Variants in SDK1 observed in about 807,000 individuals in gnomAD.
SDK1 encodes the protein sidekick cell adhesion molecule 1.
SDK1 carries 157 observed loss-of-function variants against 245.5 expected under a neutral mutation model. The observed-to-expected ratio is 0.64, with a 90% CI of 0.56 to 0.73. The LOEUF is 0.73. SDK1 is among the 30% of genes least tolerant of loss of function. The pLI is 0.00. For missense variants in SDK1, 3,583 were observed against 3,002.3 expected (o/e 1.19, Z -4.52); for synonymous variants, 1,647 against 1,278.5 (o/e 1.29, Z -6.15).
At chr7:3,506,072 ATTCT>A (rs1420399950) in intron 1 of SDK1, among the ~76,000 whole-genome samples, 1 of 152,120 alleles carries the variant, frequency 6.6e-6, no homozygotes, top group Non-Finnish European at 1.5e-5. Flanking sequence ...CATTCATCAT[ATTCT>A]TTATTTCTTT....
intron 2 of SDK1, among the ~76,000 whole-genome samples, chr7:3,624,990 G>A (rs1015852705): frequency 5.3e-5 from 8 of 152,092 alleles, no homozygotes; most frequent in Non-Finnish European, 8.8e-5. Context: ...AGTAAGCCAA[G>A]ATCATGCCAT....
At chr7:3,907,857 C>T (rs1305114753) in intron 5 of SDK1, among the ~76,000 whole-genome samples, 1 of 152,126 alleles carries the variant, frequency 6.6e-6, no homozygotes, top group Non-Finnish European at 1.5e-5. Flanking sequence ...CTGTGTACAC[C>T]ATGTCTACCC....
chr7:4,027,295 T>G (rs752538128), intron 17 of SDK1, among the ~76,000 whole-genome samples: 73 of 152,338 alleles, frequency 4.8e-4, no homozygotes, highest in Middle Eastern at 6.8e-3. Context: ...GTGGTGTTGC[T>G]TTAGTAAATA....
intron 4 of SDK1, among the ~76,000 whole-genome samples, chr7:3,804,378 GT>G (rs1164108373): frequency 6.6e-6 from 1 of 152,016 alleles, no homozygotes. Context: ...TTTGCCCTTT[GT>G]AAAAAATCTT....
chr7:3,432,203 G>C (rs1779872326), intron 1 of SDK1, among the ~76,000 whole-genome samples: 1 of 150,728 alleles, frequency 6.6e-6, no homozygotes, highest in Non-Finnish European at 1.5e-5. Flanking sequence ...ATTTTGGGGT[G>C]AACTTTTTCC....
At chr7:3,494,982 G>C (rs148233098) in intron 1 of SDK1, among the ~76,000 whole-genome samples, 1 of 152,278 alleles carries the variant, frequency 6.6e-6, no homozygotes, top group East Asian at 1.9e-4. Flanking sequence ...AGTTAGTGCA[G>C]CTGTTATCTC....
At chr7:3,536,250 T>C (rs972997358) in intron 1 of SDK1, among the ~76,000 whole-genome samples, 3 of 149,968 alleles carry the variant, frequency 2.0e-5, no homozygotes, top group Admixed American at 6.7e-5. Context: ...GTGTTTTTAC[T>C]AGAGACGGGG....
chr7:3,905,578 A>T (rs1778871781), intron 5 of SDK1, among the ~76,000 whole-genome samples: 1 of 151,958 alleles, frequency 6.6e-6, no homozygotes, highest in Non-Finnish European at 1.5e-5. Context: ...TCTCCTGTTT[A>T]AGAATCATTA....
intron 4 of SDK1, among the ~76,000 whole-genome samples, chr7:3,726,057 C>T (rs1414021190): frequency 2.0e-5 from 3 of 152,208 alleles, no homozygotes; most frequent in Non-Finnish European, 2.9e-5. Context: ...GCAATATCAC[C>T]TTACATCTGC....
At position 4,265,942 on chromosome 7, in the gene SDK1, C is replaced by T. The variant is rs1788441697; in HGVS notation, c.*558C>T. 1 of 985,784 alleles carries T rather than the reference C, an allele frequency of 1.0e-6. No individual in the cohort carries two copies. 61.1% of individuals were successfully genotyped at this position (985,784 alleles called of 1,614,324 possible). ...TTCATCTGTTTCTGAAATGTTCTCA[C>T]TTGGCAGTGTCTAGTCAAGGAGTCG... On this transcript the variant is annotated 3_prime_UTR_variant, in exon 45 of 45. Coordinates refer to ENST00000404826, the MANE Select transcript of SDK1 (RefSeq NM_152744.4).
rs1778870703 is a variant in SDK1 at position 4,051,807 on chromosome 7, A to T, written c.2888A>T (p.Gln963Leu). ...TPGDGPPSTP[Q>L]LVWTQEDKPG... ...GGGGACGGGCCTCCCAGCACACCTC[A>T]GCTGGTCTGGACTCAGGAAGACAGT... The change falls in exon 19 of 45, where the codon CAG (glutamine) becomes CTG (leucine). Residue 963 changes from glutamine to leucine, a missense_variant. Coordinates refer to ENST00000404826, the MANE Select transcript of SDK1 (RefSeq NM_152744.4). 1 of 1,612,992 alleles carries T rather than the reference A, an allele frequency of 6.2e-7. No homozygotes were observed. The highest frequency in any genetic ancestry group is 8.5e-7 in the Non-Finnish European group (1 of 1,179,598).
intron 1 of SDK1, among the ~76,000 whole-genome samples, chr7:3,404,888 C>G (rs976253006): frequency 6.6e-6 from 1 of 152,034 alleles, no homozygotes; most frequent in African/African-American, 2.4e-5. Context: ...TAATGTATAT[C>G]GTAAGATTGA....
chr7:3,656,872 C>T (rs548597897), intron 4 of SDK1, among the ~76,000 whole-genome samples: 6 of 152,172 alleles, frequency 3.9e-5, no homozygotes, highest in African/African-American at 4.8e-5. Flanking sequence ...CTCAGCCTCC[C>T]GAGTAGCTGG....
At chr7:4,060,971 A>G (rs200265393) in intron 19 of SDK1, among the ~76,000 whole-genome samples, 9 of 152,086 alleles carry the variant, frequency 5.9e-5, no homozygotes, top group Admixed American at 5.9e-4. Context: ...GTGTTATTTC[A>G]GAGGGCTCTG....
chr7:3,922,196 C>G (rs1028347514), intron 5 of SDK1, among the ~76,000 whole-genome samples: 5 of 148,744 alleles, frequency 3.4e-5, no homozygotes, highest in African/African-American at 1.3e-4. Context: ...GAAGGTGAGT[C>G]TGATTGGCAG....
intron 19 of SDK1, among the ~76,000 whole-genome samples, chr7:4,056,877 G>A (rs567328006): frequency 4.0e-5 from 6 of 151,736 alleles, no homozygotes; most frequent in Non-Finnish European, 7.4e-5. Flanking sequence ...AGACCATTCC[G>A]CCCCGGCTCC....
chr7:3,853,804 C>T (rs1176197670), intron 5 of SDK1, among the ~76,000 whole-genome samples: 1 of 152,102 alleles, frequency 6.6e-6, no homozygotes, highest in Non-Finnish European at 1.5e-5. Context: ...TCCTGGCCAA[C>T]ATGGTGAAAC....
intron 4 of SDK1, among the ~76,000 whole-genome samples, chr7:3,648,736 T>C (rs1419295101): frequency 2.6e-5 from 4 of 152,232 alleles, no homozygotes; most frequent in African/African-American, 7.2e-5. Flanking sequence ...TTTTATATTT[T>C]ATAGGCATTT....
chr7:3,556,899 C>G (rs1002689289), intron 1 of SDK1, among the ~76,000 whole-genome samples: 2 of 152,086 alleles, frequency 1.3e-5, no homozygotes, highest in Non-Finnish European at 2.9e-5. Context: ...CCCGTTTACC[C>G]TGATGTGATT....
Sources: gnomAD v4.1 joint callset for allele counts (sites outside exome capture counted in the v4.1 genomes callset) on GRCh38, gnomAD v4.1.1 for gene constraint, MANE v1.5 for transcripts, NCBI Gene and HGNC (gene_info 2026-07-23, HGNC 2026-07-21) for gene names.